Variants in TFF1 observed in about 807,000 individuals in gnomAD.
TFF1 encodes trefoil factor 1, also known as breast cancer estrogen-inducible protein.
Under a neutral mutation model 7.7 loss-of-function variants are expected in TFF1, and 8 were observed. The ratio of observed to expected loss-of-function variants is 1.04; its 90% confidence interval spans 0.61 to 1.87. The LOEUF (loss-of-function observed/expected upper bound fraction) is 1.87. Ranked by LOEUF, TFF1 falls within the 40% of genes most tolerant of loss-of-function variation. The pLI, the probability that TFF1 is intolerant of heterozygous loss-of-function variation, is 0.00. For missense variants in TFF1, 120 were observed against 113.4 expected (o/e 1.06, Z -0.26); for synonymous variants, 47 against 44.8 (o/e 1.05, Z -0.19).
chr21:42,362,531 T>C, intron 2 of TFF1, 36 bp from the exon 3 acceptor site: 1 of 1,555,224 alleles, frequency 6.4e-7, no homozygotes, highest in South Asian at 1.2e-5. Flanking sequence ...AGAGATGCTT[T>C]AGTGAGGATA....
intron 1 of TFF1, among the ~76,000 whole-genome samples, chr21:42,365,694 G>A (rs60759263): frequency 6.6e-6 from 1 of 152,186 alleles, no homozygotes; most frequent in Admixed American, 6.5e-5. Context: ...CTGCCACACA[G>A]CATTTCCTGA....
intron 1 of TFF1, among the ~76,000 whole-genome samples, 180 bp downstream of exon 1, chr21:42,366,231 C>T (rs1864484674): frequency 6.6e-6 from 1 of 152,204 alleles, no homozygotes; most frequent in African/African-American, 2.4e-5. Flanking sequence ...GGGGCCCTGC[C>T]ACCCTGAGTT....
Position 42,366,532 on chromosome 21 carries a change from G to A in TFF1, c.-37C>T, listed in dbSNP as rs375999838. ...TGCTCCAAAGGCGACCCCGAGTCAG[G>A]GATGAGAGGCCGCCCGAGCCCCGGA... On this transcript the variant is annotated 5_prime_UTR_variant, in exon 1 of 3. Coordinates refer to ENST00000291527, the MANE Select transcript of TFF1 (RefSeq NM_003225.3). The A allele has an allele frequency of 1.3e-6, 2 of 1,574,152 alleles. No individual in the cohort carries two copies. The highest frequency in any genetic ancestry group is 1.4e-5 in the African/African-American group (1 of 73,996).
chr21:42,362,915 A>T (rs1445554908), intron 2 of TFF1, among the ~76,000 whole-genome samples: 1 of 152,014 alleles, frequency 6.6e-6, no homozygotes, highest in Admixed American at 6.6e-5. Context: ...AAAAAAAAAA[A>T]AAAAGAATAC....
intron 1 of TFF1, among the ~76,000 whole-genome samples, chr21:42,365,493 A>T (rs1470446431): frequency 6.6e-6 from 1 of 152,054 alleles, no homozygotes; most frequent in Non-Finnish European, 1.5e-5. Flanking sequence ...CACAGCAGAG[A>T]TCAAGAGGTG....
intron 1 of TFF1, 96 bp from the exon 2 acceptor site, chr21:42,363,503 C>A: frequency 7.0e-7 from 1 of 1,437,388 alleles, no homozygotes; most frequent in South Asian, 1.4e-5. Flanking sequence ...CCAATGACAT[C>A]AGCAACTGTC....
In TFF1 at chr21:42,362,435, G is replaced by A. The variant is rs1268024188; in HGVS notation, c.*44C>T. The A allele has an allele frequency of 1.3e-6, 2 of 1,564,048 alleles. No individual in the cohort carries two copies. The highest frequency in any genetic ancestry group is 1.9e-5 in the Admixed American group (1 of 53,192). On this transcript the variant is annotated 3_prime_UTR_variant, in exon 3 of 3. Coordinates refer to ENST00000291527, the MANE Select transcript of TFF1 (RefSeq NM_003225.3). ...GCTCTGGGACTAATCACCGTGCTGG[G>A]GACGGCACCGCGTCAGGATGCAGGC...
intron 1 of TFF1, among the ~76,000 whole-genome samples, chr21:42,365,922 C>A (rs1004837280): frequency 2.6e-5 from 4 of 152,186 alleles, no homozygotes; most frequent in Admixed American, 6.5e-5. Flanking sequence ...GCCCAGGAAC[C>A]TGTAGGAGAG....
At chr21:42,362,519 A>G (rs28476620) in intron 2 of TFF1, 24 bp from the exon 3 acceptor site, 41,217 of 1,569,420 alleles carry the variant, frequency 0.026, 1,654 homozygotes, top group African/African-American at 0.19. Context: ...GGGGAGGGAG[A>G]AAGAGATGCT....
Position 42,366,398 on chromosome 21 carries a change from A to T in TFF1, c.85+13T>A, listed in dbSNP as rs754420557. On this transcript the variant is annotated intron_variant, in intron 1 of 2. Coordinates refer to ENST00000291527, the MANE Select transcript of TFF1 (RefSeq NM_003225.3). ...GGCTGTGGCCCCACAGAGCAGGAAGAAGCACGCCTTACCTGTCTGGGCCTC... is the reference window on the plus strand; with the variant it reads ...GGCTGTGGCCCCACAGAGCAGGAAGTAGCACGCCTTACCTGTCTGGGCCTC... 29 of 1,597,978 alleles carry T rather than the reference A, an allele frequency of 1.8e-5. No homozygotes were observed. The highest frequency in any genetic ancestry group is 1.7e-6 in the Non-Finnish European group (2 of 1,168,000).
chr21:42,364,382 G>A (rs558553338), intron 1 of TFF1, among the ~76,000 whole-genome samples: 160 of 152,314 alleles, frequency 1.1e-3, no homozygotes, highest in South Asian at 2.1e-3. Context: ...TGAGAGGACC[G>A]GGTGGGGTGG....
intron 1 of TFF1, among the ~76,000 whole-genome samples, chr21:42,364,248 G>T (rs1447316335): frequency 6.6e-6 from 1 of 152,186 alleles, no homozygotes; most frequent in Admixed American, 6.5e-5. Context: ...TGACAAGCAG[G>T]TTGAACAAAG....
Position 42,362,485 on chromosome 21 carries a change from T to C in TFF1, c.249A>G (p.Glu83=). The change falls in exon 3 of 3, where the codon GAA becomes GAG. Residue 83 remains glutamate (E), a synonymous_variant. Coordinates refer to ENST00000291527, the MANE Select transcript of TFF1 (RefSeq NM_003225.3). ...CAGATCCCTGCAGAAGTGTCTAAAA[T>C]TCACACTCCTCTACAGGGGTGAGGG... ...TIDVPPEEEC[E]F is the part of the protein sequence containing the mutation. 1.3e-6 allele frequency: 2 copies of C among 1,586,008 alleles called. No individual in the cohort carries two copies. The highest frequency in any genetic ancestry group is 1.2e-5 in the South Asian group (1 of 86,384).
Position 42,363,250 on chromosome 21 carries a change from C to T in TFF1, c.238+5G>A. On this transcript the variant is annotated splice_donor_5th_base_variant and intron_variant, in intron 2 of 2. Coordinates refer to ENST00000291527, the MANE Select transcript of TFF1 (RefSeq NM_003225.3). Reference sequence around the variant, plus strand: ...TTCAGAACCCATCGTATAAAAAGGCCATACCTTCTGGAGGGACGTCGATGG... The same window carrying T: ...TTCAGAACCCATCGTATAAAAAGGCTATACCTTCTGGAGGGACGTCGATGG... 6.2e-7 allele frequency: 1 copy of T among 1,614,138 alleles called. No individual in the cohort carries two copies. The highest frequency in any genetic ancestry group is 8.5e-7 in the Non-Finnish European group (1 of 1,180,020).
intron 1 of TFF1, among the ~76,000 whole-genome samples, chr21:42,364,266 G>A (rs568330604): frequency 5.3e-5 from 8 of 152,286 alleles, no homozygotes; most frequent in African/African-American, 1.9e-4. Flanking sequence ...AAGCAGGGGG[G>A]CTCCCTGCAG....
In TFF1 at chr21:42,362,630, G is replaced by C. The variant is rs72561493; in HGVS notation, c.239-135C>G. Reference sequence around the variant, plus strand: ...CTTTAGAAAACATGAACTGTCAGCCGGGCACGGTGGCTCACGCCTGTAATC... The same window carrying C: ...CTTTAGAAAACATGAACTGTCAGCCCGGCACGGTGGCTCACGCCTGTAATC... On this transcript the variant is annotated intron_variant, in intron 2 of 2. Transcript: ENST00000291527. 588 of 1,091,176 alleles carry C rather than the reference G, an allele frequency of 5.4e-4. 1 individual carries two copies. In the African/African-American group the frequency reaches 8.0e-3, roughly 15 times the overall value. The allele number at this position is 1,091,176 out of a possible 1,614,324, so 67.6% of individuals were successfully genotyped here.
Position 42,363,421 on chromosome 21 carries a change from G to A in TFF1, c.86-14C>T. On this transcript the variant is annotated splice_polypyrimidine_tract_variant and intron_variant, in intron 1 of 2. Coordinates refer to ENST00000291527, the MANE Select transcript of TFF1 (RefSeq NM_003225.3). ...CTGTACACGTCTCTGAAAGTGCACA[G>A]GTAAGAAGCAAAGTAAGTTGTGGGC... 4 of 1,609,616 alleles carry A rather than the reference G, an allele frequency of 2.5e-6. No homozygotes were observed. The highest frequency in any genetic ancestry group is 1.7e-6 in the Non-Finnish European group (2 of 1,177,484).
chr21:42,362,773 G>A (rs1430719732), intron 2 of TFF1, among the ~76,000 whole-genome samples: 12 of 152,050 alleles, frequency 7.9e-5, no homozygotes, highest in East Asian at 3.9e-4. Context: ...TTAGCTGGGC[G>A]TAGTGGCACA....
intron 1 of TFF1, among the ~76,000 whole-genome samples, chr21:42,364,465 G>A (rs2052263287): frequency 2.6e-5 from 4 of 152,346 alleles, no homozygotes; most frequent in South Asian, 2.1e-4. Flanking sequence ...GGGATCTAGA[G>A]GAGGAAGACA....
Sources: gnomAD v4.1 joint callset for allele counts (sites outside exome capture counted in the v4.1 genomes callset) on GRCh38, gnomAD v4.1.1 for gene constraint, MANE v1.5 for transcripts, NCBI Gene and HGNC (gene_info 2026-07-23, HGNC 2026-07-21) for gene names.